VPS72: variants seen among roughly 807,000 people sequenced by gnomAD.
The protein encoded by VPS72 is vacuolar protein sorting 72 homolog.
A neutral mutation model predicts 38.9 loss-of-function variants in VPS72; 27 were observed. The ratio of observed to expected loss-of-function variants is 0.69; its 90% CI spans 0.51 to 0.96. The LOEUF is 0.96. Ranked by LOEUF, VPS72 falls within the 40% of genes least tolerant of loss-of-function variation. The pLI is 0.00. For synonymous variants in VPS72, 173 were observed against 186.3 expected (o/e 0.93, Z 0.58); for missense variants, 360 against 479.5 (o/e 0.75, Z 2.33).
chr1:151,183,421 CAAAAAAAAAAA>C (rs769884773), intron 4 of VPS72, among the ~76,000 whole-genome samples: 2 of 50,860 alleles, frequency 3.9e-5, no homozygotes, highest in African/African-American at 1.6e-4. Context: ...GACTCTGTCT[CAAAAAAAAAAA>C]AAAAAAAAAA....
intron 4 of VPS72, among the ~76,000 whole-genome samples, chr1:151,178,599 C>G (rs1325402310): frequency 6.6e-6 from 1 of 152,014 alleles, no homozygotes; most frequent in Non-Finnish European, 1.5e-5. Flanking sequence ...ACATTGCACT[C>G]CAGCCTAGGC....
At chr1:151,184,671 T>G (rs983912419) in intron 3 of VPS72, among the ~76,000 whole-genome samples, 178 bp from the exon 4 acceptor site, 1 of 151,824 alleles carries the variant, frequency 6.6e-6, no homozygotes, top group Admixed American at 6.6e-5. Flanking sequence ...CTCCAACCTC[T>G]GCTTCCTGGG....
chr1:151,189,875 C>T, intron 1 of VPS72, 130 bp downstream of exon 1: 1 of 1,088,656 alleles, frequency 9.2e-7, no homozygotes. Context: ...CTCCGATTCA[C>T]CCACCCAACT....
chr1:151,184,338 C>T lies in VPS72; in HGVS notation c.541G>A (p.Glu181Lys). 2.5e-6 allele frequency: 4 copies of T among 1,614,108 alleles called. No homozygotes were observed. Among genetic ancestry groups the T allele is most frequent in the Non-Finnish European group, 3.4e-6 (4 of 1,180,024 alleles). ...TTACCCAGTGACCGTAAATTAAGCT[C>T]TTCTGTGATCTTGGCCTCCCGGAGC... ...ELLREAKITE[E>K]LNLRSLETYE... Residue 181 changes from glutamate (E) to lysine (K), a missense_variant, in exon 4 of 6, where the codon GAG becomes AAG. By Grantham distance (56) the Glu-to-Lys change is moderately conservative. Transcript: ENST00000368892.
chr1:151,184,086 G>A (rs1489588794), intron 4 of VPS72, among the ~76,000 whole-genome samples: 1 of 152,170 alleles, frequency 6.6e-6, no homozygotes, highest in African/African-American at 2.4e-5. Flanking sequence ...ACGAGGATTT[G>A]ACCTCAGTTC....
At chr1:151,186,092 A>T (rs866619662) in intron 1 of VPS72, 142 bp from the exon 2 acceptor site, 10 of 1,091,682 alleles carry the variant, frequency 9.2e-6, no homozygotes, top group South Asian at 1.6e-5. Context: ...CAGGCAAGAA[A>T]ACTTTCTAGC....
At chr1:151,185,409 A>G in intron 3 of VPS72, 97 bp downstream of exon 3, 1 of 1,231,388 alleles carries the variant, frequency 8.1e-7, no homozygotes, top group Non-Finnish European at 1.2e-6. Flanking sequence ...TCTAGGAGTG[A>G]GCCACCGCAC....
At chr1:151,178,267 A>G (rs1684161755) in intron 4 of VPS72, 122 bp from the exon 5 acceptor site, 1 of 1,338,048 alleles carries the variant, frequency 7.5e-7, no homozygotes, top group Non-Finnish European at 9.9e-7. Context: ...ACTACCAGAG[A>G]CAACTATGGA....
At chr1:151,180,979 G>A (rs1235631854) in intron 4 of VPS72, among the ~76,000 whole-genome samples, 1 of 152,152 alleles carries the variant, frequency 6.6e-6, no homozygotes, top group Non-Finnish European at 1.5e-5. Flanking sequence ...AGCTTTCAGA[G>A]CACTGCTTTT....
At chr1:151,183,152 T>G (rs1684274944) in intron 4 of VPS72, among the ~76,000 whole-genome samples, 1 of 151,858 alleles carries the variant, frequency 6.6e-6, no homozygotes, top group Non-Finnish European at 1.5e-5. Context: ...TGCCGCGGGG[T>G]GGCCCAAGCC....
intron 1 of VPS72, among the ~76,000 whole-genome samples, chr1:151,189,548 C>A (rs146749167): frequency 1.3e-5 from 2 of 152,136 alleles, no homozygotes; most frequent in Non-Finnish European, 2.9e-5. Flanking sequence ...TACACTGAGA[C>A]CTGAAAGCTG....
At chr1:151,184,945 T>C (rs1684317280) in intron 3 of VPS72, among the ~76,000 whole-genome samples, 1 of 152,182 alleles carries the variant, frequency 6.6e-6, no homozygotes, top group African/African-American at 2.4e-5. Context: ...ATGTATCTTT[T>C]ACCCCATCAC....
intron 4 of VPS72, among the ~76,000 whole-genome samples, chr1:151,180,024 A>G (rs976714037): frequency 2.0e-5 from 3 of 151,824 alleles, no homozygotes; most frequent in African/African-American, 7.3e-5. Flanking sequence ...TGACCATAAA[A>G]GAGTACTCTG....
At chr1:151,187,738 C>T (rs1684381440) in intron 1 of VPS72, among the ~76,000 whole-genome samples, 1 of 152,036 alleles carries the variant, frequency 6.6e-6, no homozygotes, top group Admixed American at 6.6e-5. Context: ...TTCTTTCTTA[C>T]TAAAAAAAGA....
At chr1:151,180,057 G>A (rs962308873) in intron 4 of VPS72, among the ~76,000 whole-genome samples, 5 of 151,856 alleles carry the variant, frequency 3.3e-5, no homozygotes, top group African/African-American at 7.3e-5. Context: ...GGTGGCTCAT[G>A]CCTGTAATTA....
intron 4 of VPS72, among the ~76,000 whole-genome samples, chr1:151,181,246 CTT>C (rs60085121): frequency 3.7e-5 from 5 of 135,990 alleles, no homozygotes; most frequent in Admixed American, 7.5e-5. Context: ...TGTCACTTTA[CTT>C]TTTTTTTTTT....
In VPS72 at chr1:151,184,426, C is replaced by G; in HGVS notation, c.453G>C (p.Arg151Ser). ...TRQTFLRVQE[R>S]QGQSRRRKGP... ...CCTTTCGCCGTCTTGACTGGCCCTG[C>G]CTCTCCTGTACCCGAAGGAACGTTT... Residue 151 changes from arginine (R) to serine (S), a missense_variant, in exon 4 of 6, where the codon AGG becomes AGC. By Grantham distance (110) the Arg-to-Ser change is moderately radical. This residue lies in a region of VPS72 where 294 missense variants were observed against 356.3 expected (regional missense o/e 0.83). Coordinates refer to ENST00000368892, the MANE Select transcript of VPS72 (RefSeq NM_005997.3). 1.2e-6 allele frequency: 2 copies of G among 1,614,044 alleles called. No homozygotes were observed. Among genetic ancestry groups the G allele is most frequent in the Non-Finnish European group, 1.7e-6 (2 of 1,180,032 alleles).
At position 151,178,155 on chromosome 1, in the gene VPS72, C is replaced by G; in HGVS notation, c.563-10G>C. ...AGCCGCTCATATGTCTCTTTAGGGT[C>G]AAAGGAAGAAATGAGGGGATGATCA... is the stretch of plus-strand genomic sequence containing the variant. On this transcript the variant is annotated splice_polypyrimidine_tract_variant and intron_variant, in intron 4 of 5. Coordinates refer to ENST00000368892, the MANE Select transcript of VPS72 (RefSeq NM_005997.3). 1 of 1,612,706 alleles carries G rather than the reference C, an allele frequency of 6.2e-7. No homozygotes were observed. Among genetic ancestry groups the G allele is most frequent in the Non-Finnish European group, 8.5e-7 (1 of 1,179,746 alleles).
chr1:151,177,849 A>G, intron 5 of VPS72, 152 bp downstream of exon 5: 1 of 991,980 alleles, frequency 1.0e-6, no homozygotes, highest in South Asian at 1.7e-5. Context: ...TCTCAAAAAA[A>G]AAAAAAGAAA....
Sources: gnomAD v4.1 joint callset for allele counts (sites outside exome capture counted in the v4.1 genomes callset) on GRCh38, gnomAD v4.1.1 for gene constraint, gnomAD v4.1.1 regional missense constraint, MANE v1.5 for transcripts, NCBI Gene and HGNC (gene_info 2026-07-23, HGNC 2026-07-21) for gene names.